NUP93: variants seen among roughly 807,000 people sequenced by gnomAD.
NUP93 encodes the protein nucleoporin 93.
Under a neutral mutation model 107.8 loss-of-function variants are expected in NUP93, and 55 were observed. The observed-to-expected ratio is 0.51, with a 90% CI of 0.41 to 0.64. The LOEUF (loss-of-function observed/expected upper bound fraction) is 0.64, where lower values mean the gene tolerates loss of function less well. Among genes scored for constraint, NUP93 ranks in the 30% least tolerant of loss-of-function variants. The pLI is 0.00. For synonymous variants in NUP93, 390 were observed against 397.5 expected (o/e 0.98, Z 0.22); for missense variants, 937 against 1,044.7 (o/e 0.90, Z 1.42).
At chr16:56,823,927 G>A in intron 8 of NUP93, 81 bp downstream of exon 8, 1 of 1,511,526 alleles carries the variant, frequency 6.6e-7, no homozygotes, top group African/African-American at 1.4e-5. Context: ...TTGTCCTCAG[G>A]CTAGGTGTGC....
chr16:56,766,750 T>C (rs1033512440), intron 3 of NUP93, among the ~76,000 whole-genome samples: 10 of 152,158 alleles, frequency 6.6e-5, no homozygotes, highest in East Asian at 5.8e-4. Flanking sequence ...GCTTCTCAGT[T>C]ACAAAACTTT....
chr16:56,821,701 A>C (rs1963547912), intron 7 of NUP93, 108 bp downstream of exon 7: 1 of 664,854 alleles, frequency 1.5e-6, no homozygotes, highest in African/African-American at 1.8e-5. Context: ...CATTCTGTGG[A>C]ATGAAATGTT....
At chr16:56,759,255 C>G (rs1255907535) in intron 3 of NUP93, among the ~76,000 whole-genome samples, 2 of 152,204 alleles carry the variant, frequency 1.3e-5, no homozygotes, top group African/African-American at 2.4e-5. Context: ...AACTCACGGT[C>G]TGTTTAGTTT....
intron 15 of NUP93, 144 bp from the exon 16 acceptor site, chr16:56,834,590 A>G: frequency 1.8e-6 from 2 of 1,110,492 alleles, no homozygotes; most frequent in Non-Finnish European, 2.6e-6. Flanking sequence ...CAATGAAAAT[A>G]TTTATTTCAG....
chr16:56,840,196 A>G (rs1372276459), intron 20 of NUP93, among the ~76,000 whole-genome samples: 2 of 152,020 alleles, frequency 1.3e-5, no homozygotes, highest in African/African-American at 2.4e-5. Flanking sequence ...AATTTTTTGT[A>G]TATTTAGTAG....
At chr16:56,778,699 G>C (rs1479969834) in intron 3 of NUP93, among the ~76,000 whole-genome samples, 2 of 152,172 alleles carry the variant, frequency 1.3e-5, no homozygotes, top group Non-Finnish European at 2.9e-5. Flanking sequence ...TTTTGTTGAG[G>C]CTAAGGAATT....
intron 5 of NUP93, among the ~76,000 whole-genome samples, chr16:56,812,795 G>A (rs941125117): frequency 2.6e-5 from 4 of 152,320 alleles, no homozygotes; most frequent in Non-Finnish European, 5.9e-5. Context: ...AAGTTGTGAT[G>A]TGAATAAAAA....
chr16:56,839,991 G>A, intron 20 of NUP93: 1 of 185,820 alleles, frequency 5.4e-6, no homozygotes, highest in Non-Finnish European at 1.1e-5. Context: ...ATGATTCACT[G>A]CCACCTTTGC....
intron 6 of NUP93, among the ~76,000 whole-genome samples, chr16:56,820,659 C>T (rs547346091): frequency 5.6e-4 from 86 of 152,292 alleles, no homozygotes; most frequent in Non-Finnish European, 1.2e-3. Context: ...ATGAATGATA[C>T]TGATGTTCCC....
rs1431216420 is a variant in NUP93 at position 56,827,310 on chromosome 16, A to G, written c.795-1667A>G. On this transcript the variant is annotated intron_variant, in intron 8 of 21. Transcript: ENST00000308159. ...GAGGATTTTAAGAAGCATGCTAGCA[A>G]ATAAATGGAGAGGGAATGGTAGAAA... Among the ~76,000 whole-genome samples the G allele has an allele frequency of 2.0e-5, 3 of 150,894 alleles. No individual in the cohort carries two copies. In the East Asian group the frequency reaches 5.8e-4, roughly 29 times the overall value.
chr16:56,758,422 A>G (rs1350327378), intron 2 of NUP93, 116 bp from the exon 3 acceptor site: 1 of 763,100 alleles, frequency 1.3e-6, no homozygotes, highest in South Asian at 1.5e-5. Flanking sequence ...TGGACAGTAT[A>G]TAGGAAGTTT....
At chr16:56,738,931 T>G (rs1207681860) in intron 1 of NUP93, among the ~76,000 whole-genome samples, 1 of 145,312 alleles carries the variant, frequency 6.9e-6, no homozygotes, top group East Asian at 2.2e-4. Flanking sequence ...TGCTTAAAAT[T>G]AAATGCTAAA....
At chr16:56,827,384 A>G (rs1335370715) in intron 8 of NUP93, among the ~76,000 whole-genome samples, 4 of 152,210 alleles carry the variant, frequency 2.6e-5, no homozygotes, top group Non-Finnish European at 4.4e-5. Flanking sequence ...GGCAAGGACC[A>G]TCAATGGAAA....
At chr16:56,810,656 A>G (rs1963294836) in intron 5 of NUP93, among the ~76,000 whole-genome samples, 1 of 152,098 alleles carries the variant, frequency 6.6e-6, no homozygotes, top group South Asian at 2.1e-4. Flanking sequence ...AAAAATTAAA[A>G]AATTTTTAAA....
At chr16:56,796,044 T>C (rs1962890874) in intron 3 of NUP93, among the ~76,000 whole-genome samples, 1 of 152,222 alleles carries the variant, frequency 6.6e-6, no homozygotes, top group South Asian at 2.1e-4. Context: ...ACAGCACCTG[T>C]TGGGGAGACA....
chr16:56,784,676 T>A (rs563265820), intron 3 of NUP93, among the ~76,000 whole-genome samples: 2 of 152,386 alleles, frequency 1.3e-5, no homozygotes, highest in South Asian at 4.1e-4. Flanking sequence ...ATAGTGCATG[T>A]ATTTTATAGT....
At chr16:56,740,464 T>G (rs1961710482) in intron 1 of NUP93, among the ~76,000 whole-genome samples, 2 of 139,228 alleles carry the variant, frequency 1.4e-5, no homozygotes, top group East Asian at 2.2e-4. Context: ...TTCCTAGATG[T>G]GATGGCGGCT....
intron 13 of NUP93, 43 bp downstream of exon 13, chr16:56,833,449 C>T (rs772326058): frequency 3.2e-5 from 47 of 1,454,434 alleles, no homozygotes; most frequent in Admixed American, 1.9e-4. Context: ...AACCACAGCA[C>T]GTCCCCCTTG....
chr16:56,824,896 AG>A lies in NUP93; in HGVS notation c.794+1053del, dbSNP rs1476720926. ...TTTTATTCTCCTAGTATAGGAATAA[AG>A]GGTTTATAAAATAATTCATCCAAGC... On this transcript the variant is annotated intron_variant, in intron 8 of 21. Transcript: ENST00000308159. 7.9e-5 allele frequency among the ~76,000 whole-genome samples: 12 copies of A among 152,332 alleles called. No homozygotes were observed. The East Asian group carries it at 2.1e-3, about 27-fold the overall frequency.
Sources: allele counts gnomAD v4.1 joint callset (sites outside exome capture counted in the v4.1 genomes callset), GRCh38; gene constraint gnomAD v4.1.1; transcripts MANE v1.5; gene names NCBI Gene and HGNC (gene_info 2026-07-23, HGNC 2026-07-21).